Variants in RYR3 observed in about 807,000 individuals in gnomAD.
The protein encoded by RYR3 is brain ryanodine receptor-calcium release channel.
A neutral mutation model predicts 584.3 loss-of-function variants in RYR3; 207 were observed. The ratio of observed to expected loss-of-function variants is 0.35; its 90% CI spans 0.32 to 0.40. RYR3 has a LOEUF of 0.40. Ranked by LOEUF, RYR3 falls within the 10% of genes least tolerant of loss-of-function variation. RYR3 has a pLI of 1.00. For missense variants in RYR3, 5,616 were observed against 6,089.2 expected (o/e 0.92, Z 2.59); for synonymous variants, 2,416 against 2,248.5 (o/e 1.07, Z -2.11).
intron 48 of RYR3, among the ~76,000 whole-genome samples, chr15:33,732,163 C>T (rs1363625815): frequency 5.3e-5 from 8 of 151,320 alleles, no homozygotes; most frequent in African/African-American, 1.5e-4. Context: ...GGGCAGATCA[C>T]GAGGTCAGGA....
At chr15:33,322,786 G>A (rs1020964197) in intron 1 of RYR3, among the ~76,000 whole-genome samples, 1 of 151,736 alleles carries the variant, frequency 6.6e-6, no homozygotes, top group African/African-American at 2.4e-5. Flanking sequence ...TGGTTTCTCT[G>A]GAACCACATC....
At position 33,530,425 on chromosome 15, in the gene RYR3, C is replaced by T. The variant is rs1008047621; in HGVS notation, c.280-167C>T. Among the ~76,000 whole-genome samples the T allele has an allele frequency of 8.5e-5, 13 of 152,228 alleles. 1 individual carries two copies. The highest frequency in any genetic ancestry group is 3.3e-4 in the Admixed American group (5 of 15,286). On this transcript the variant is annotated intron_variant, in intron 3 of 103. Transcript: ENST00000634891. Reference sequence around the variant, plus strand: ...AGGATGTTGCATGGCTGTGGTCACACGTCTCTTTCTGCCCGTAGACCAGCC... The same window carrying T: ...AGGATGTTGCATGGCTGTGGTCACATGTCTCTTTCTGCCCGTAGACCAGCC...
At chr15:33,768,896 C>T (rs1486862487) in intron 61 of RYR3, among the ~76,000 whole-genome samples, 189 bp downstream of exon 61, 1 of 152,126 alleles carries the variant, frequency 6.6e-6, no homozygotes, top group Non-Finnish European at 1.5e-5. Flanking sequence ...AGATTTTCCA[C>T]ACCAATGAAA....
chr15:33,841,611 T>G (rs186873532), intron 90 of RYR3, among the ~76,000 whole-genome samples: 24 of 152,298 alleles, frequency 1.6e-4, no homozygotes, highest in Admixed American at 2.6e-4. Context: ...GGAAAAAAAT[T>G]GTTAAGTCTA....
At chr15:33,713,553 T>C (rs921802338) in intron 43 of RYR3, among the ~76,000 whole-genome samples, 13 of 152,110 alleles carry the variant, frequency 8.5e-5, no homozygotes, top group African/African-American at 2.9e-4. Flanking sequence ...CTAACACTTA[T>C]TGAGCATTTA....
At chr15:33,635,173 C>A (rs2061441435) in intron 25 of RYR3, among the ~76,000 whole-genome samples, 1 of 152,170 alleles carries the variant, frequency 6.6e-6, no homozygotes, top group African/African-American at 2.4e-5. Context: ...TCATCCCATG[C>A]CCCAGGAGGC....
At chr15:33,381,001 G>T (rs1231006572) in intron 1 of RYR3, among the ~76,000 whole-genome samples, 1 of 152,164 alleles carries the variant, frequency 6.6e-6, no homozygotes, top group African/African-American at 2.4e-5. Context: ...CACCTCGAAG[G>T]ATCAATAATC....
At chr15:33,609,188 A>G (rs2060049151) in intron 18 of RYR3, among the ~76,000 whole-genome samples, 1 of 152,252 alleles carries the variant, frequency 6.6e-6, no homozygotes. Flanking sequence ...TTATCCAGCA[A>G]GGATCTGAAT....
chr15:33,575,050 A>G (rs2058225670), intron 12 of RYR3, among the ~76,000 whole-genome samples: 1 of 152,234 alleles, frequency 6.6e-6, no homozygotes, highest in Admixed American at 6.5e-5. Context: ...ACATAATAAT[A>G]AAGAGTTCAA....
Position 33,699,756 on chromosome 15 carries a change from G to A in RYR3, c.6302G>A (p.Cys2101Tyr), listed in dbSNP as rs1182042120. Reference sequence around the variant, plus strand: ...TGCTGCCGTTTCCTTTGCTATTTCTGTCGAATTAGCCGGCAAAATCAGAAG... The same window carrying A: ...TGCTGCCGTTTCCTTTGCTATTTCTATCGAATTAGCCGGCAAAATCAGAAG... Reference protein sequence around the residue: ...ASCCRFLCYFCRISRQNQKAM... With the variant: ...ASCCRFLCYFYRISRQNQKAM... Residue 2101 changes from cysteine to tyrosine, a missense_variant, in exon 41 of 104, where the codon TGT becomes TAT. Cys to Tyr is a radical substitution (Grantham distance 194, BLOSUM62 -2). Coordinates refer to ENST00000634891, the MANE Select transcript of RYR3 (RefSeq NM_001036.6). 4 of 1,613,532 alleles carry A rather than the reference G, an allele frequency of 2.5e-6. No homozygotes were observed.
In RYR3 at chr15:33,473,676, G is replaced by A; in HGVS notation, c.171+138G>A. Reference sequence around the variant, plus strand: ...TATTTTTTAAATGGGAAGCAGATCTGGTTTAAACCATAACTTTCCACAAGC... The same window carrying A: ...TATTTTTTAAATGGGAAGCAGATCTAGTTTAAACCATAACTTTCCACAAGC... On this transcript the variant is annotated intron_variant, in intron 2 of 103. Coordinates refer to ENST00000634891, the MANE Select transcript of RYR3 (RefSeq NM_001036.6). 3 of 871,672 alleles carry A rather than the reference G, an allele frequency of 3.4e-6. No homozygotes were observed. The African/African-American group carries it at 5.1e-5, about 15-fold the overall frequency. The allele number at this position is 871,672 out of a possible 1,614,324, so 54.0% of individuals were successfully genotyped here.
chr15:33,388,743 G>A (rs1464046663), intron 1 of RYR3, among the ~76,000 whole-genome samples: 1 of 152,090 alleles, frequency 6.6e-6, no homozygotes, highest in Non-Finnish European at 1.5e-5. Flanking sequence ...AAGCATGGAA[G>A]ACAGACATGG....
chr15:33,425,637 ATTT>A (rs68182512), intron 1 of RYR3, among the ~76,000 whole-genome samples: 3 of 121,796 alleles, frequency 2.5e-5, no homozygotes, highest in Non-Finnish European at 1.6e-5. Context: ...GAGACTCACA[ATTT>A]TTTTTTTTTT....
chr15:33,798,371 G>A (rs1163013702), intron 67 of RYR3, among the ~76,000 whole-genome samples: 1 of 152,178 alleles, frequency 6.6e-6, no homozygotes, highest in East Asian at 1.9e-4. Flanking sequence ...GATTACAGGT[G>A]TGAGCCACCA....
intron 3 of RYR3, among the ~76,000 whole-genome samples, chr15:33,523,241 G>A (rs892370304): frequency 2.0e-5 from 3 of 152,134 alleles, no homozygotes; most frequent in African/African-American, 7.2e-5. Context: ...ATAAAAGCTG[G>A]CCACCCGAGC....
chr15:33,791,016 C>T (rs1043463745), intron 67 of RYR3, among the ~76,000 whole-genome samples: 2 of 152,142 alleles, frequency 1.3e-5, no homozygotes, highest in African/African-American at 4.8e-5. Context: ...TTGACAAGAG[C>T]AGTGTCTATG....
At chr15:33,758,444 G>T (rs746774870) in intron 60 of RYR3, among the ~76,000 whole-genome samples, 2 of 152,156 alleles carry the variant, frequency 1.3e-5, no homozygotes, top group African/African-American at 4.8e-5. Context: ...TGGGACACTC[G>T]GGCTTGGTTG....
intron 32 of RYR3, among the ~76,000 whole-genome samples, chr15:33,658,028 A>G (rs1467639666): frequency 6.6e-6 from 1 of 152,208 alleles, no homozygotes; most frequent in African/African-American, 2.4e-5. Context: ...AACTCACTAT[A>G]CTCATTCTCT....
At chr15:33,626,726 GC>G (rs751346297) in intron 20 of RYR3, among the ~76,000 whole-genome samples, 1 of 152,144 alleles carries the variant, frequency 6.6e-6, no homozygotes, top group Non-Finnish European at 1.5e-5. Flanking sequence ...TCCAGCTATG[GC>G]TAAAAGGGGC....
Sources: gnomAD v4.1 joint callset for allele counts (sites outside exome capture counted in the v4.1 genomes callset) on GRCh38, gnomAD v4.1.1 for gene constraint, MANE v1.5 for transcripts, NCBI Gene and HGNC (gene_info 2026-07-23, HGNC 2026-07-21) for gene names.